Variants in PPP6R2 observed in about 807,000 individuals in gnomAD.
The protein encoded by PPP6R2 is serine/threonine-protein phosphatase 6 regulatory subunit 2.
Under a neutral mutation model 100.2 loss-of-function variants are expected in PPP6R2, and 62 were observed. The ratio of observed to expected loss-of-function variants is 0.62; its 90% CI spans 0.50 to 0.76. PPP6R2 has a LOEUF of 0.76. PPP6R2 is among the 30% of genes least tolerant of loss of function. PPP6R2 has a pLI of 0.00. For missense variants in PPP6R2, 1,142 were observed against 1,276.3 expected, an observed-to-expected ratio of 0.89 and a Z score of 1.60; for synonymous variants, 525 against 514.7, an observed-to-expected ratio of 1.02 and a Z score of -0.27.
chr22:50,365,110 T>C (rs1007893303), intron 1 of PPP6R2, among the ~76,000 whole-genome samples: 1 of 150,656 alleles, frequency 6.6e-6, no homozygotes, highest in African/African-American at 2.4e-5. Context: ...TTGCTCTTGT[T>C]GCCCAGGCTG....
chr22:50,408,477 CT>C (rs2059295593), intron 4 of PPP6R2, among the ~76,000 whole-genome samples: 2 of 152,172 alleles, frequency 1.3e-5, no homozygotes, highest in South Asian at 4.1e-4. Context: ...TCAGCTCCTT[CT>C]GAAGCTGAGT....
At chr22:50,384,065 C>T (rs2053691982) in intron 2 of PPP6R2, among the ~76,000 whole-genome samples, 1 of 146,574 alleles carries the variant, frequency 6.8e-6, no homozygotes, top group African/African-American at 2.5e-5. Flanking sequence ...GAAGGATGAA[C>T]ACCTTTGAGC....
intron 3 of PPP6R2, among the ~76,000 whole-genome samples, chr22:50,399,197 CTTTAAAAAATAAAAAAAGATG>C: frequency 6.6e-6 from 1 of 152,116 alleles, no homozygotes; most frequent in Non-Finnish European, 1.5e-5. Context: ...ACTGTCATCT[CTTTAAAAAATAAAAAAAGATG>C]GAGAAGATAT....
At chr22:50,361,255 A>C (rs28500484) in intron 1 of PPP6R2, among the ~76,000 whole-genome samples, 3,022 of 152,206 alleles carry the variant, frequency 0.02, 53 homozygotes, top group East Asian at 0.088. Flanking sequence ...GAATCTGGTT[A>C]TCATATGGAG....
chr22:50,386,523 T>G (rs2054289046), intron 2 of PPP6R2, among the ~76,000 whole-genome samples: 1 of 152,154 alleles, frequency 6.6e-6, no homozygotes, highest in Non-Finnish European at 1.5e-5. Flanking sequence ...CAAATTGTAG[T>G]AAGGTACAAA....
At chr22:50,436,568 C>A in intron 14 of PPP6R2, 116 bp downstream of exon 14, 2 of 1,008,796 alleles carry the variant, frequency 2.0e-6, no homozygotes, top group Non-Finnish European at 3.0e-6. Context: ...GCACGCCTGC[C>A]TGCTCCTCTT....
chr22:50,433,166 G>A (rs188771428), intron 12 of PPP6R2, among the ~76,000 whole-genome samples: 1 of 151,784 alleles, frequency 6.6e-6, no homozygotes, highest in Non-Finnish European at 1.5e-5. Context: ...GAGGAGGGCA[G>A]GGGGCGCGGA....
At chr22:50,435,230 A>G in intron 13 of PPP6R2, 149 bp downstream of exon 13, 1 of 590,896 alleles carries the variant, frequency 1.7e-6, no homozygotes, top group Non-Finnish European at 2.8e-6. Context: ...CTCACTTCAC[A>G]CATCACATCT....
intron 10 of PPP6R2, among the ~76,000 whole-genome samples, chr22:50,428,932 A>G (rs190938908): frequency 7.5e-4 from 114 of 152,282 alleles, no homozygotes; most frequent in Middle Eastern, 6.8e-3. Context: ...TTCAGCATTG[A>G]ATATGTTGTC....
At chr22:50,425,959 T>C (rs1044767059) in intron 10 of PPP6R2, among the ~76,000 whole-genome samples, 3 of 152,060 alleles carry the variant, frequency 2.0e-5, no homozygotes, top group African/African-American at 7.2e-5. Flanking sequence ...AATATTTTCT[T>C]TGGGTTATCT....
chr22:50,403,381 C>G (rs1011726201), intron 3 of PPP6R2, among the ~76,000 whole-genome samples: 1 of 152,174 alleles, frequency 6.6e-6, no homozygotes, highest in Non-Finnish European at 1.5e-5. Flanking sequence ...GACCTGGGGC[C>G]TCACTGTGGC....
At chr22:50,374,992 AAAG>A (rs369011190) in intron 2 of PPP6R2, among the ~76,000 whole-genome samples, 3 of 152,238 alleles carry the variant, frequency 2.0e-5, no homozygotes, top group Admixed American at 6.5e-5. Flanking sequence ...CCAAAGACAA[AAAG>A]AAGGTGTTAA....
chr22:50,379,488 C>A (rs2052410947), intron 2 of PPP6R2, among the ~76,000 whole-genome samples: 1 of 151,744 alleles, frequency 6.6e-6, no homozygotes, highest in Non-Finnish European at 1.5e-5. Context: ...AGAGTGAGAC[C>A]CCGTATCAAA....
At chr22:50,421,750 A>C (rs2061369008) in intron 8 of PPP6R2, among the ~76,000 whole-genome samples, 1 of 152,062 alleles carries the variant, frequency 6.6e-6, no homozygotes, top group African/African-American at 2.4e-5. Flanking sequence ...GTCTCTACTA[A>C]AAATACAAAA....
chr22:50,440,235 C>T (rs944313445), intron 21 of PPP6R2, among the ~76,000 whole-genome samples, 186 bp downstream of exon 21: 4 of 152,200 alleles, frequency 2.6e-5, no homozygotes, highest in African/African-American at 9.6e-5. Flanking sequence ...GGGAGGCCCC[C>T]AGAGGGGAGG....
At chr22:50,356,298 ATTTTTCCTTTTT>A (rs2046561169) in intron 1 of PPP6R2, among the ~76,000 whole-genome samples, 1 of 125,708 alleles carries the variant, frequency 8.0e-6, no homozygotes, top group Non-Finnish European at 1.7e-5. Context: ...TGTACAGTCT[ATTTTTCCTTTTT>A]TTTTTTTTTT....
chr22:50,337,299 GGT>G, the PPP6R2 span, among the ~76,000 whole-genome samples: 6 of 144,160 alleles, frequency 4.2e-5, 1 homozygote, highest in Non-Finnish European at 6.1e-5. Flanking sequence ...GGTATGTGGG[GGT>G]GTGTGTGTGC....
At chr22:50,361,009 T>A (rs1184196599) in intron 1 of PPP6R2, among the ~76,000 whole-genome samples, 1 of 152,218 alleles carries the variant, frequency 6.6e-6, no homozygotes, top group Non-Finnish European at 1.5e-5. Context: ...AGAATTTGAC[T>A]GTCACTCATC....
chr22:50,366,524 G>A (rs372991983), intron 1 of PPP6R2, among the ~76,000 whole-genome samples: 5 of 152,084 alleles, frequency 3.3e-5, no homozygotes, highest in South Asian at 2.1e-4. Flanking sequence ...GGCTGGTCTC[G>A]AACTCCTGAC....
Sources: gnomAD v4.1 joint callset for allele counts (sites outside exome capture counted in the v4.1 genomes callset) on GRCh38, gnomAD v4.1.1 for gene constraint, MANE v1.5 for transcripts, NCBI Gene and HGNC (gene_info 2026-07-23, HGNC 2026-07-21) for gene names.